Variants in DOCK6 observed in about 807,000 individuals in gnomAD.
DOCK6 encodes dedicator of cytokinesis protein 6.
Under a neutral mutation model 230.3 loss-of-function variants are expected in DOCK6, and 167 were observed. That is an observed-to-expected ratio of 0.73 (90% CI 0.64 to 0.82). The LOEUF is 0.82. Among genes scored for constraint, DOCK6 ranks in the 40% least tolerant of loss-of-function variants. The pLI, the probability that DOCK6 is intolerant of heterozygous loss-of-function variation, is 0.00. For synonymous variants in DOCK6, 1,148 were observed against 1,185.0 expected (o/e 0.97, Z 0.64); for missense variants, 2,598 against 2,825.8 (o/e 0.92, Z 1.83).
chr19:11,261,816 G>T (rs920331840), intron 1 of DOCK6, among the ~76,000 whole-genome samples: 1 of 150,842 alleles, frequency 6.6e-6, no homozygotes, highest in Admixed American at 6.6e-5. Flanking sequence ...AGCAGAAGGT[G>T]GGGGGGCGTC....
intron 31 of DOCK6, 136 bp from the exon 32 acceptor site, chr19:11,215,607 G>T (rs2079472377): frequency 1.6e-6 from 2 of 1,274,834 alleles, no homozygotes; most frequent in East Asian, 2.5e-5. Flanking sequence ...AGCCTGCCGG[G>T]TGGACGCACA....
intron 39 of DOCK6, among the ~76,000 whole-genome samples, chr19:11,207,943 A>G (rs948078958): frequency 1.3e-5 from 2 of 151,608 alleles, no homozygotes; most frequent in Non-Finnish European, 2.9e-5. Context: ...AAAATATCAC[A>G]AAGAAAAAAT....
chr19:11,205,929 C>G (rs1280624450), intron 39 of DOCK6: 3 of 152,116 alleles, frequency 2.0e-5, no homozygotes, highest in African/African-American at 7.2e-5. Context: ...CTGGCCCTTC[C>G]TCTGAGGCCT....
Position 11,252,171 on chromosome 19 carries a change from T to G in DOCK6, c.455A>C (p.Gln152Pro). 1 of 1,585,484 alleles carries G rather than the reference T, an allele frequency of 6.3e-7. No homozygotes were observed. Among genetic ancestry groups the G allele is most frequent in the Admixed American group, 1.8e-5 (1 of 55,136 alleles). The change falls in exon 5 of 48, where the codon CAG becomes CCG. Residue 152 changes from glutamine to proline, a missense_variant. Physicochemically the swap from Gln to Pro is moderately conservative, Grantham distance 76. Transcript: ENST00000294618. ...TCCAGAAGCATCCTGCTCAAAGACC[T>G]GGCGGGGGAGGCCCTTCTGTCGCTC... ...QRERQKGLPRQVFEQDASGDE... is the reference protein window; with the variant it reads ...QRERQKGLPRPVFEQDASGDE...
chr19:11,257,403 G>A (rs576732756), intron 1 of DOCK6, among the ~76,000 whole-genome samples: 1 of 147,198 alleles, frequency 6.8e-6, no homozygotes, highest in African/African-American at 2.5e-5. Flanking sequence ...AAGGCGGGAG[G>A]ATCGCTTGAG....
chr19:11,221,703 A>C, intron 28 of DOCK6, 148 bp downstream of exon 28: 1 of 1,176,676 alleles, frequency 8.5e-7, no homozygotes, highest in East Asian at 2.4e-5. Context: ...TTATGACTTA[A>C]GTAGTCTGTC....
intron 14 of DOCK6, chr19:11,241,491 A>G: frequency 9.0e-6 from 14 of 1,553,232 alleles, no homozygotes; most frequent in Non-Finnish European, 1.2e-5. Flanking sequence ...CTCACAGGCC[A>G]CGTGCAGCGG....
chr19:11,212,987 C>A (rs553112665), intron 35 of DOCK6, among the ~76,000 whole-genome samples, 189 bp downstream of exon 35: 1 of 151,132 alleles, frequency 6.6e-6, no homozygotes, highest in South Asian at 2.1e-4. Flanking sequence ...CCTCTCACCT[C>A]AGCCTCCCAA....
chr19:11,239,819 C>CA, intron 14 of DOCK6: 2 of 1,604,956 alleles, frequency 1.2e-6, no homozygotes, highest in Non-Finnish European at 1.7e-6. Flanking sequence ...GGACGGCTGA[C>CA]AAAGGCCAGG....
chr19:11,222,309 C>A lies in DOCK6; in HGVS notation c.3241-61G>T. ...TCAAGGGTCAGAGGTGGCAGGTCAC[C>A]ATTAAAGCCATCTTGGAGGTGACAG... On this transcript the variant is annotated intron_variant, in intron 26 of 47. Coordinates refer to ENST00000294618, the MANE Select transcript of DOCK6 (RefSeq NM_020812.4). The surrounding 1 kb of genome is among the most constrained non-coding windows in gnomAD (Gnocchi z 4.0). 2 of 1,538,330 alleles carry A rather than the reference C, an allele frequency of 1.3e-6. No individual in the cohort carries two copies. The highest frequency in any genetic ancestry group is 2.0e-5 in the Admixed American group (1 of 50,408).
chr19:11,216,051 C>G, intron 30 of DOCK6, 124 bp from the exon 31 acceptor site: 1 of 1,278,868 alleles, frequency 7.8e-7, no homozygotes, highest in Non-Finnish European at 1.1e-6. Context: ...AGACAGATTG[C>G]CTTTTTCCTC....
At chr19:11,211,600 TCCCCC>T (rs1568674975) in intron 37 of DOCK6, among the ~76,000 whole-genome samples, 171 bp downstream of exon 37, 1 of 141,348 alleles carries the variant, frequency 7.1e-6, no homozygotes, top group Non-Finnish European at 1.5e-5. Flanking sequence ...TGCTCACCTG[TCCCCC>T]TCACCTGTCT....
intron 35 of DOCK6, 107 bp downstream of exon 35, chr19:11,213,066 CATT>C (rs1275620066): frequency 2.2e-4 from 310 of 1,413,394 alleles, no homozygotes; most frequent in Admixed American, 7.6e-4. Context: ...TCCTCCTGCT[CATT>C]ATGCTCAATG....
intron 18 of DOCK6, chr19:11,237,200 C>A: frequency 1.7e-6 from 1 of 592,868 alleles, no homozygotes; most frequent in Non-Finnish European, 3.0e-6. Flanking sequence ...TAAGGTACTA[C>A]GAGGGCAGGG....
At chr19:11,227,767 C>T (rs1179560029) in intron 23 of DOCK6, among the ~76,000 whole-genome samples, 1 of 151,854 alleles carries the variant, frequency 6.6e-6, no homozygotes, top group Non-Finnish European at 1.5e-5. Flanking sequence ...TGGGCAGATC[C>T]TGTGAGCATC....
Position 11,214,574 on chromosome 19 carries a change from G to A in DOCK6, c.4182C>T (p.Asp1394=), listed in dbSNP as rs917112025. The A allele has an allele frequency of 1.9e-6, 3 of 1,613,886 alleles. No homozygotes were observed. The highest frequency in any genetic ancestry group is 2.5e-6 in the Non-Finnish European group (3 of 1,179,884). Residue 1394 remains aspartate, a synonymous_variant, in exon 33 of 48, where the codon GAC becomes GAT. Transcript: ENST00000294618. ...CTACCTGCACGATGATCTCCAGTGT[G>A]TCCAGAACCACTAGGCTTGCCTCGG... ...LATEASLVVL[D]TLEIIVQTVM...
chr19:11,240,265 G>A (rs1486479428), intron 14 of DOCK6: 1 of 1,584,136 alleles, frequency 6.3e-7, no homozygotes, highest in South Asian at 1.2e-5. Context: ...GCCTGGCTGG[G>A]CCCTGCCTAC....
intron 37 of DOCK6, among the ~76,000 whole-genome samples, chr19:11,209,432 C>T (rs139325357): frequency 1.8e-4 from 27 of 152,094 alleles, no homozygotes; most frequent in Admixed American, 1.2e-3. Flanking sequence ...AGTCTCCTCA[C>T]GTGTATCCTA....
Position 11,248,117 on chromosome 19 carries a change from G to A in DOCK6, c.755C>T (p.Pro252Leu). 1 of 1,612,470 alleles carries A rather than the reference G, an allele frequency of 6.2e-7. No individual in the cohort carries two copies. Among genetic ancestry groups the A allele is most frequent in the South Asian group, 1.1e-5 (1 of 90,656 alleles). Reference protein sequence around the residue: ...EAVERCSRPEPPREHFGQRIL... With the variant: ...EAVERCSRPELPREHFGQRIL... ...CCTTTGTCCAAAGTGCTCGCGGGGT[G>A]GCTCTGGGCGGCTACAGCGTTCCAC... is the stretch of plus-strand genomic sequence containing the variant. The change falls in exon 7 of 48, where the codon CCA (proline) becomes CTA (leucine). Residue 252 changes from proline (P) to leucine (L), a missense_variant. Pro to Leu is a moderately conservative substitution (Grantham distance 98, BLOSUM62 -3). Transcript: ENST00000294618.
Sources: gnomAD v4.1 joint callset for allele counts (sites outside exome capture counted in the v4.1 genomes callset) on GRCh38, gnomAD v4.1.1 for gene constraint, Gnocchi (gnomAD v3.1) non-coding constraint, MANE v1.5 for transcripts, NCBI Gene and HGNC (gene_info 2026-07-23, HGNC 2026-07-21) for gene names.